The following APC2 variants were observed in gnomAD, a reference collection of about 807,000 sequenced individuals.
APC2 encodes the protein adenomatous polyposis coli protein 2.
Under a neutral mutation model 72.5 loss-of-function variants are expected in APC2, and 41 were observed. The ratio of observed to expected loss-of-function variants is 0.57; its 90% CI spans 0.44 to 0.73. APC2 has a LOEUF of 0.73. Ranked by LOEUF, APC2 falls within the 30% of genes least tolerant of loss-of-function variation. The pLI is 0.00. For synonymous variants in APC2, 1,898 were observed against 1,612.0 expected (o/e 1.18, Z -4.25); for missense variants, 3,729 against 3,403.4 (o/e 1.10, Z -2.38).
At chr19:1,458,312 T>G in intron 10 of APC2, 1 of 542,350 alleles carries the variant, frequency 1.8e-6, no homozygotes, top group Non-Finnish European at 3.3e-6. Flanking sequence ...CAGCCCTAAG[T>G]TCCCTGGGGC....
At chr19:1,458,087 C>G (rs899754120) in intron 10 of APC2, 27 bp downstream of exon 10, 1 of 1,544,976 alleles carries the variant, frequency 6.5e-7, no homozygotes, top group South Asian at 1.2e-5. Context: ...CTCTGGGAAG[C>G]CATCCTCCAG....
rs749988865 is a variant in APC2, at chr19:1,465,140, G to A, written c.1854-15G>A. On this transcript the variant is annotated splice_polypyrimidine_tract_variant and intron_variant, in intron 14 of 14. Coordinates refer to ENST00000590469, the MANE Select transcript of APC2 (RefSeq NM_005883.3). ...GGTGGGGGGTGGCCCAGGCTAACCC[G>A]CCCTGTGCCTACAGGCAGGTGCTCC... 7.6e-6 allele frequency: 12 copies of A among 1,588,980 alleles called. 1 individual carries two copies. The South Asian group carries it at 1.0e-4, about 14-fold the overall frequency.
In APC2 at chr19:1,469,819, C is replaced by T; in HGVS notation, c.6518C>T (p.Thr2173Met). 6.6e-7 allele frequency: 1 copy of T among 1,520,600 alleles called. No individual in the cohort carries two copies. Among genetic ancestry groups the T allele is most frequent in the Non-Finnish European group, 8.8e-7 (1 of 1,141,262 alleles). 94.2% of individuals were successfully genotyped at this position (1,520,600 alleles called of 1,614,324 possible). The change falls in exon 15 of 15, where the codon ACG (threonine) becomes ATG (methionine). Residue 2173 changes from threonine (T) to methionine (M), a missense_variant. Coordinates refer to ENST00000590469, the MANE Select transcript of APC2 (RefSeq NM_005883.3). ...PATALPLRGS[T>M]PEDAPAGPPP... is the part of the protein sequence containing the mutation. ...ACGGCCCTGCCACTGCGGGGCTCCA[C>T]GCCCGAGGACGCCCCGGCCGGGCCC...
chr19:1,460,960 C>G, intron 12 of APC2, 77 bp from the exon 13 acceptor site: 1 of 1,596,480 alleles, frequency 6.3e-7, no homozygotes, highest in South Asian at 1.1e-5. Flanking sequence ...GTCCGACTCT[C>G]TGCAGACTCA....
chr19:1,469,121 G>A lies in APC2; in HGVS notation c.5820G>A (p.Gly1940=). The A allele has an allele frequency of 7.4e-7, 1 of 1,355,928 alleles. No individual in the cohort carries two copies. Among genetic ancestry groups the A allele is most frequent in the Non-Finnish European group, 9.6e-7 (1 of 1,045,860 alleles). 84.0% of individuals were successfully genotyped at this position (1,355,928 alleles called of 1,614,324 possible). The change falls in exon 15 of 15, where the codon GGG becomes GGA. Residue 1940 remains glycine (G), a synonymous_variant. Transcript: ENST00000590469. ...TCATGCAGAGGCCGGCCCGGCGTGGGCCGCCACCGCTGGCTCGGGCAGTCC... is the reference window on the plus strand; with the variant it reads ...TCATGCAGAGGCCGGCCCGGCGTGGACCGCCACCGCTGGCTCGGGCAGTCC... ...IPFMQRPARR[G]PPPLARAVPE...
Position 1,465,472 on chromosome 19 carries a change from G to A in APC2, c.2171G>A (p.Arg724Gln). 6.5e-7 allele frequency: 1 copy of A among 1,529,336 alleles called. No homozygotes were observed. Among genetic ancestry groups the A allele is most frequent in the Non-Finnish European group, 8.7e-7 (1 of 1,142,868 alleles). The allele number at this position is 1,529,336 out of a possible 1,614,324, so 94.7% of individuals were successfully genotyped here. A position where few individuals can be genotyped will look rare whatever the true frequency, so the allele number is the denominator to read the frequency against. The change falls in exon 15 of 15, where the codon CGG becomes CAG. Residue 724 changes from arginine (R) to glutamine (Q), a missense_variant. By Grantham distance (43) the Arg-to-Gln change is conservative (BLOSUM62 1). Transcript: ENST00000590469. ...CVPSLYVRKQ[R>Q]ALEAELDARH... Reference sequence around the variant, plus strand: ...CCCAGCCTGTACGTGCGCAAGCAGCGGGCGCTGGAGGCCGAGCTGGACGCA... The same window carrying A: ...CCCAGCCTGTACGTGCGCAAGCAGCAGGCGCTGGAGGCCGAGCTGGACGCA...
chr19:1,469,110 G>A lies in APC2; in HGVS notation c.5809G>A (p.Ala1937Thr), dbSNP rs759691862. 1 of 1,386,482 alleles carries A rather than the reference G, an allele frequency of 7.2e-7. No homozygotes were observed. Among genetic ancestry groups the A allele is most frequent in the Non-Finnish European group, 9.4e-7 (1 of 1,060,610 alleles). The allele number at this position is 1,386,482 out of a possible 1,614,324, so 85.9% of individuals were successfully genotyped here. A position where few individuals can be genotyped will look rare whatever the true frequency, so the allele number is the denominator to read the frequency against. ...GCGGATCCCGTTCATGCAGAGGCCG[G>A]CCCGGCGTGGGCCGCCACCGCTGGC... ...PVRIPFMQRPARRGPPPLARA... is the reference protein window; with the variant it reads ...PVRIPFMQRPTRRGPPPLARA... The change falls in exon 15 of 15, where the codon GCC becomes ACC. Residue 1937 changes from alanine (A) to threonine (T), a missense_variant. Physicochemically the swap from Ala to Thr is moderately conservative, Grantham distance 58 (BLOSUM62 0). Transcript: ENST00000590469.
In APC2 at chr19:1,457,111, C is replaced by G. The variant is rs1440209470; in HGVS notation, c.1075C>G (p.Pro359Ala). 2 of 1,585,372 alleles carry G rather than the reference C, an allele frequency of 1.3e-6. No homozygotes were observed. Among genetic ancestry groups the G allele is most frequent in the East Asian group, 4.6e-5 (2 of 43,202 alleles). ...GCTGCACAACATCGTCTTCTCGCAG[C>G]CGGACCAGGGCCTGGCGCGCAAGGA... ...AALHNIVFSQ[P>A]DQGLARKEMR... is the part of the protein sequence containing the mutation. Residue 359 changes from proline to alanine, a missense_variant, in exon 9 of 15, where the codon CCG becomes GCG. Pro to Ala is a conservative substitution (Grantham distance 27). Coordinates refer to ENST00000590469, the MANE Select transcript of APC2 (RefSeq NM_005883.3).
intron 9 of APC2, 151 bp from the exon 10 acceptor site, chr19:1,457,814 G>C: frequency 4.4e-6 from 3 of 683,104 alleles, no homozygotes; most frequent in Non-Finnish European, 7.7e-6. Context: ...TCCCATCTTA[G>C]AGAGGCTGGG....
intron 2 of APC2, 50 bp downstream of exon 2, chr19:1,453,192 C>T (rs1380545731): frequency 5.1e-6 from 8 of 1,568,162 alleles, no homozygotes; most frequent in Non-Finnish European, 6.9e-6. Context: ...GTGGTGCCCC[C>T]CGGCAGCCCA....
In APC2 at chr19:1,468,456, T is replaced by C; in HGVS notation, c.5155T>C (p.Ser1719Pro). The C allele has an allele frequency of 6.3e-7, 1 of 1,597,842 alleles. No homozygotes were observed. Among genetic ancestry groups the C allele is most frequent in the East Asian group, 2.3e-5 (1 of 44,100 alleles). Residue 1719 changes from serine (S) to proline (P), a missense_variant, in exon 15 of 15, where the codon TCC becomes CCC. Physicochemically the swap from Ser to Pro is moderately conservative, Grantham distance 74. Transcript: ENST00000590469. ...CTCGTCCGAGTCCGACTCCATCCTG[T>C]CCTTCGTATCCGGGCTGTCAGTGGG... Reference protein sequence around the residue: ...EASSESDSILSFVSGLSVGST... With the variant: ...EASSESDSILPFVSGLSVGST...
rs2083910854 is a variant in APC2, at chr19:1,460,823, C to T, written c.1487C>T (p.Ala496Val). The change falls in exon 12 of 15, where the codon GCC becomes GTC. Residue 496 changes from alanine to valine, a missense_variant. By Grantham distance (64) the Ala-to-Val change is moderately conservative. Transcript: ENST00000590469. ...ARRGCMEAIVAQLASDSEELH... is the reference protein window; with the variant it reads ...ARRGCMEAIVVQLASDSEELH... ...CGCGGCTGCATGGAGGCCATCGTGG[C>T]CCAGCTGGCCTCCGACAGTGAGGAG... 2 of 1,613,210 alleles carry T rather than the reference C, an allele frequency of 1.2e-6. No homozygotes were observed. The highest frequency in any genetic ancestry group is 1.7e-6 in the Non-Finnish European group (2 of 1,179,966).
rs1006699897 is a variant in APC2, at chr19:1,460,198, G to A, written c.1321G>A (p.Ala441Thr). The A allele has an allele frequency of 6.2e-7, 1 of 1,613,422 alleles. No homozygotes were observed. Among genetic ancestry groups the A allele is most frequent in the South Asian group, 1.1e-5 (1 of 91,086 alleles). Residue 441 changes from alanine (A) to threonine (T), a missense_variant, in exon 11 of 15, where the codon GCA becomes ACA. By Grantham distance (58) the Ala-to-Thr change is moderately conservative (BLOSUM62 0). Coordinates refer to ENST00000590469, the MANE Select transcript of APC2 (RefSeq NM_005883.3). ...MNELGGLQAV[A>T]ELLQVDYEMH... is the part of the protein sequence containing the mutation. ...CCTCACAGGTGGGCTGCAGGCCGTG[G>A]CAGAGCTGCTGCAGGTTGACTATGA...
Position 1,470,170 on chromosome 19 carries a change from C to A in APC2, c.6869C>A (p.Ala2290Glu). The change falls in exon 15 of 15, where the codon GCG becomes GAG. Residue 2290 changes from alanine (A) to glutamate (E), a missense_variant. Physicochemically the swap from Ala to Glu is moderately radical, Grantham distance 107. Transcript: ENST00000590469. ...GTCGCAGCCACCACCGACTCGGCCG[C>A]GGAGAAAGCCCCGGCCACTGCCTCC... ...MVVAATTDSA[A>E]EKAPATASAT... is the part of the protein sequence containing the mutation. 1 of 1,603,092 alleles carries A rather than the reference C, an allele frequency of 6.2e-7. No homozygotes were observed. The highest frequency in any genetic ancestry group is 1.1e-5 in the South Asian group (1 of 89,662).
At position 1,470,106 on chromosome 19, in the gene APC2, C is replaced by A; in HGVS notation, c.6805C>A (p.Arg2269=). The part of the protein sequence containing the change: ...SRHGSPSRSA[R]VPPFNYVPSP... ...GCACGGCTCCCCCAGCCGCTCGGCC[C>A]GAGTACCCCCCTTCAACTATGTGCC... The change falls in exon 15 of 15, where the codon CGA becomes AGA. Residue 2269 remains arginine (R), a synonymous_variant. Coordinates refer to ENST00000590469, the MANE Select transcript of APC2 (RefSeq NM_005883.3). The A allele has an allele frequency of 1.2e-6, 2 of 1,605,994 alleles. No homozygotes were observed. Among genetic ancestry groups the A allele is most frequent in the East Asian group, 2.2e-5 (1 of 44,652 alleles).
At position 1,466,651 on chromosome 19, in the gene APC2, C is replaced by T. The variant is rs1177068090; in HGVS notation, c.3350C>T (p.Pro1117Leu). ...EAELDSTWRA[P>L]GATSLPVAIP... Reference sequence around the variant, plus strand: ...GAGCTGGACAGCACGTGGCGGGCGCCCGGGGCCACCTCGCTGCCCGTAGCC... The same window carrying T: ...GAGCTGGACAGCACGTGGCGGGCGCTCGGGGCCACCTCGCTGCCCGTAGCC... Residue 1117 changes from proline (P) to leucine (L), a missense_variant, in exon 15 of 15, where the codon CCC becomes CTC. Pro to Leu is a moderately conservative substitution (Grantham distance 98). Coordinates refer to ENST00000590469, the MANE Select transcript of APC2 (RefSeq NM_005883.3). 8 of 1,494,502 alleles carry T rather than the reference C, an allele frequency of 5.4e-6. No individual in the cohort carries two copies. Among genetic ancestry groups the T allele is most frequent in the Non-Finnish European group, 6.2e-6 (7 of 1,123,114 alleles). The allele number at this position is 1,494,502 out of a possible 1,614,324, so 92.6% of individuals were successfully genotyped here.
Position 1,456,102 on chromosome 19 carries a change from T to A in APC2, c.666T>A (p.Ile222=). 1.3e-6 allele frequency: 2 copies of A among 1,589,842 alleles called. No individual in the cohort carries two copies. The highest frequency in any genetic ancestry group is 8.5e-7 in the Non-Finnish European group (1 of 1,170,744). Residue 222 remains isoleucine (I), a synonymous_variant, in exon 7 of 15, where the codon ATT becomes ATA. Transcript: ENST00000590469. ...TCCGCGCCTCGCGCCTGGAGCAGAT[T>A]GACAAGGAGCTGCTGGAGGCGCAGG... The part of the protein sequence containing the change: ...AQIRASRLEQ[I]DKELLEAQDR...
intron 6 of APC2, 101 bp from the exon 7 acceptor site, chr19:1,455,975 G>T: frequency 1.6e-6 from 2 of 1,248,468 alleles, no homozygotes; most frequent in South Asian, 2.9e-5. Context: ...ATCAGGAAGA[G>T]GCGGGGTCAG....
chr19:1,466,474 T>G lies in APC2; in HGVS notation c.3173T>G (p.Leu1058Arg), dbSNP rs1371409188. The G allele has an allele frequency of 6.3e-7, 1 of 1,598,080 alleles. No individual in the cohort carries two copies. The highest frequency in any genetic ancestry group is 1.1e-5 in the South Asian group (1 of 90,942). The change falls in exon 15 of 15, where the codon CTG becomes CGG. Residue 1058 changes from leucine to arginine, a missense_variant. By Grantham distance (102) the Leu-to-Arg change is moderately radical. Coordinates refer to ENST00000590469, the MANE Select transcript of APC2 (RefSeq NM_005883.3). ...LSVASKALQKLAAQEGPLSLS... is the reference protein window; with the variant it reads ...LSVASKALQKRAAQEGPLSLS... Reference sequence around the variant, plus strand: ...GTGGCCAGCAAGGCACTGCAGAAACTGGCGGCGCAAGAGGGGCCACTCTCG... The same window carrying G: ...GTGGCCAGCAAGGCACTGCAGAAACGGGCGGCGCAAGAGGGGCCACTCTCG...
Sources: allele counts gnomAD v4.1 joint callset, GRCh38; gene constraint gnomAD v4.1.1; transcripts MANE v1.5; gene names NCBI Gene and HGNC (gene_info 2026-07-23, HGNC 2026-07-21).